Variants in TBC1D22A observed in about 807,000 individuals in gnomAD.
The protein encoded by TBC1D22A is putative GTPase activator.
In TBC1D22A, 38 loss-of-function variants were observed where a neutral mutation model predicts 60.2. The ratio of observed to expected loss-of-function variants is 0.63; its 90% CI spans 0.49 to 0.83. The LOEUF (loss-of-function observed/expected upper bound fraction) is 0.83. Among genes scored for constraint, TBC1D22A ranks in the 40% least tolerant of loss-of-function variants. The probability of loss-of-function intolerance (pLI) is 0.00; values close to 1 mark genes in which losing one functional copy is unlikely to be tolerated. For synonymous variants in TBC1D22A, 302 were observed against 281.7 expected (o/e 1.07, Z -0.72); for missense variants, 628 against 701.0 (o/e 0.90, Z 1.18).
At chr22:46,975,668 C>T (rs1183943522) in intron 9 of TBC1D22A, among the ~76,000 whole-genome samples, 1 of 152,204 alleles carries the variant, frequency 6.6e-6, no homozygotes, top group Non-Finnish European at 1.5e-5. Context: ...TTCCTGATAC[C>T]ACTAAGTGAA....
At position 46,775,071 on chromosome 22, in the gene TBC1D22A, G is replaced by A. The variant is rs111513998; in HGVS notation, c.62+12223G>A. ...GAGGCGAGTGATGTTTATTGCAGTC[G>A]TCTGGATGAGCTCCTGATCCTTGGC... On this transcript the variant is annotated intron_variant, in intron 1 of 12. Coordinates refer to ENST00000337137, the MANE Select transcript of TBC1D22A (RefSeq NM_014346.5). Among the ~76,000 whole-genome samples the A allele has an allele frequency of 4.2e-3, 639 of 152,364 alleles. 1 individual carries two copies. Among genetic ancestry groups the A allele is most frequent in the African/African-American group, 0.014 (600 of 41,584 alleles).
At chr22:47,020,461 T>A (rs1412622351) in intron 10 of TBC1D22A, among the ~76,000 whole-genome samples, 2 of 151,264 alleles carry the variant, frequency 1.3e-5, no homozygotes, top group African/African-American at 4.9e-5. Flanking sequence ...TAATTTGTGC[T>A]GTTTTCACTG....
intron 8 of TBC1D22A, among the ~76,000 whole-genome samples, chr22:46,965,803 T>G (rs1340332148): frequency 6.6e-6 from 1 of 152,206 alleles, no homozygotes; most frequent in Non-Finnish European, 1.5e-5. Flanking sequence ...GGCAGTGTGT[T>G]TGCTACCTGG....
intron 12 of TBC1D22A, among the ~76,000 whole-genome samples, chr22:47,166,145 C>T (rs6008051): frequency 0.21 from 31,185 of 152,114 alleles, 4,084 homozygotes; most frequent in African/African-American, 0.37. Context: ...CGAGTTTTGC[C>T]ACTGCACGCA....
At chr22:47,143,185 C>T (rs6008044) in intron 12 of TBC1D22A, among the ~76,000 whole-genome samples, 4,775 of 152,224 alleles carry the variant, frequency 0.031, 260 homozygotes, top group African/African-American at 0.11. Context: ...CCAGGTGGAT[C>T]GGTACCCTGG....
At chr22:47,004,156 C>T (rs1240553362) in intron 10 of TBC1D22A, among the ~76,000 whole-genome samples, 4 of 149,164 alleles carry the variant, frequency 2.7e-5, no homozygotes, top group African/African-American at 9.9e-5. Context: ...ATACACACTC[C>T]TATACACACA....
intron 12 of TBC1D22A, among the ~76,000 whole-genome samples, chr22:47,170,446 G>T (rs1280423757): frequency 2.0e-5 from 3 of 152,242 alleles, no homozygotes; most frequent in Non-Finnish European, 4.4e-5. Flanking sequence ...AAAGACAGCA[G>T]ATTGATGTTG....
At chr22:46,852,425 C>T (rs78875750) in intron 4 of TBC1D22A, among the ~76,000 whole-genome samples, 1,708 of 152,284 alleles carry the variant, frequency 0.011, 28 homozygotes, top group African/African-American at 0.039. Context: ...CCTTGGTACA[C>T]GTTCCCTTGA....
chr22:46,825,888 T>C (rs925776643), intron 4 of TBC1D22A, among the ~76,000 whole-genome samples: 3 of 150,996 alleles, frequency 2.0e-5, no homozygotes, highest in Admixed American at 1.3e-4. Context: ...TGGTCTTCTT[T>C]TTTTTTTTTT....
chr22:46,986,502 G>T (rs1008923023), intron 9 of TBC1D22A, among the ~76,000 whole-genome samples: 2 of 151,510 alleles, frequency 1.3e-5, no homozygotes, highest in African/African-American at 4.9e-5. Flanking sequence ...CTTCTTACCC[G>T]TGAGCGTAGT....
intron 12 of TBC1D22A, among the ~76,000 whole-genome samples, chr22:47,170,395 C>T (rs747923880): frequency 2.6e-5 from 4 of 152,194 alleles, no homozygotes; most frequent in Non-Finnish European, 4.4e-5. Flanking sequence ...ATGACCTGCT[C>T]AGAATTGGAT....
In TBC1D22A at chr22:46,948,112, G is replaced by A. The variant is rs113539427; in HGVS notation, c.1016-26178G>A. Among the ~76,000 whole-genome samples, 269 of 152,290 alleles carry A rather than the reference G, an allele frequency of 1.8e-3. 1 individual carries two copies. Among genetic ancestry groups the A allele is most frequent in the Middle Eastern group, 0.014 (4 of 294 alleles). ...GACGGAGGGCTGGGGTATTAGAGGCGAACAGGAGAGATTTGCAAAACAAAG... is the reference window on the plus strand; with the variant it reads ...GACGGAGGGCTGGGGTATTAGAGGCAAACAGGAGAGATTTGCAAAACAAAG... On this transcript the variant is annotated intron_variant, in intron 8 of 12. Transcript: ENST00000337137.
intron 8 of TBC1D22A, among the ~76,000 whole-genome samples, chr22:46,926,365 T>A (rs2071048882): frequency 6.6e-6 from 1 of 151,442 alleles, no homozygotes; most frequent in South Asian, 2.1e-4. Context: ...GAGAGAAAAC[T>A]CAAGTTACTA....
In TBC1D22A at chr22:46,863,091, C is replaced by T. The variant is rs772506215; in HGVS notation, c.638-15562C>T. Among the ~76,000 whole-genome samples, 30 of 152,302 alleles carry T rather than the reference C, an allele frequency of 2.0e-4. No homozygotes were observed. In the Middle Eastern group the frequency reaches 0.01, roughly 52 times the overall value. ...CTCCTGGGGGAGAGAGCAACTCTCA[C>T]TTCTCTTTCTGTGGTTGCACTGGTC... On this transcript the variant is annotated intron_variant, in intron 4 of 12. Coordinates refer to ENST00000337137, the MANE Select transcript of TBC1D22A (RefSeq NM_014346.5).
chr22:47,136,404 C>T (rs2066874069), intron 12 of TBC1D22A, among the ~76,000 whole-genome samples: 1 of 152,252 alleles, frequency 6.6e-6, no homozygotes, highest in African/African-American at 2.4e-5. Flanking sequence ...GCACCCAGCT[C>T]CACGCTTCGA....
At chr22:46,768,619 C>T (rs1294473639) in intron 1 of TBC1D22A, among the ~76,000 whole-genome samples, 4 of 152,082 alleles carry the variant, frequency 2.6e-5, no homozygotes, top group Non-Finnish European at 4.4e-5. Flanking sequence ...TTGGAATTCT[C>T]GCCACACTTC....
Position 47,151,813 on chromosome 22 carries a change from G to A in TBC1D22A, c.1426-21685G>A, listed in dbSNP as rs373128881. Among the ~76,000 whole-genome samples, 63 of 152,354 alleles carry A rather than the reference G, an allele frequency of 4.1e-4. No individual in the cohort carries two copies. In the East Asian group the frequency reaches 0.011, roughly 27 times the overall value. ...TAAAGCCACCATGCCGGCCTGTCGG[G>A]AAAGAGCAGCGTCACCCAGGGGACG... On this transcript the variant is annotated intron_variant, in intron 12 of 12. Transcript: ENST00000337137.
intron 11 of TBC1D22A, among the ~76,000 whole-genome samples, chr22:47,108,517 A>T (rs1391287600): frequency 6.6e-6 from 1 of 152,228 alleles, no homozygotes; most frequent in Admixed American, 6.5e-5. Context: ...TAGTGACACA[A>T]GTAAGTCAGT....
At chr22:47,158,239 C>T (rs986111073) in intron 12 of TBC1D22A, among the ~76,000 whole-genome samples, 1 of 152,224 alleles carries the variant, frequency 6.6e-6, no homozygotes, top group African/African-American at 2.4e-5. Flanking sequence ...ATACTAGAAA[C>T]TTAGCAGGAT....
Sources: gnomAD v4.1 joint callset for allele counts (sites outside exome capture counted in the v4.1 genomes callset) on GRCh38, gnomAD v4.1.1 for gene constraint, MANE v1.5 for transcripts, NCBI Gene and HGNC (gene_info 2026-07-23, HGNC 2026-07-21) for gene names.